ADGRL3: variants seen among roughly 807,000 people sequenced by gnomAD.
The protein encoded by ADGRL3 is calcium-independent alpha-latrotoxin receptor 3.
ADGRL3 carries 62 observed loss-of-function variants against 153.5 expected under a neutral mutation model. The ratio of observed to expected loss-of-function variants is 0.40; its 90% CI spans 0.33 to 0.50. ADGRL3 has a LOEUF of 0.50. ADGRL3 is among the 20% of genes least tolerant of loss of function. The pLI is 0.47. For synonymous variants in ADGRL3, 710 were observed against 672.5 expected, an observed-to-expected ratio of 1.06 and a Z score of -0.86; for missense variants, 1,641 against 1,859.4, an observed-to-expected ratio of 0.88 and a Z score of 2.16.
intron 1 of ADGRL3, among the ~76,000 whole-genome samples, chr4:61,326,291 A>G (rs2095462035): frequency 1.3e-5 from 2 of 152,100 alleles, no homozygotes; most frequent in South Asian, 4.1e-4. Context: ...CTAGACATAT[A>G]TTCACATCCT....
rs1561042058 is a variant in ADGRL3, at chr4:61,674,141, C to A, written c.474-2685C>A. 2.4e-5 allele frequency among the ~76,000 whole-genome samples: 3 copies of A among 126,956 alleles called. No individual in the cohort carries two copies. In the East Asian group the frequency reaches 6.8e-4, roughly 29 times the overall value. The allele number at this position is 126,956 out of a possible 152,430, so 83.3% of individuals were successfully genotyped here. On this transcript the variant is annotated intron_variant, in intron 5 of 26. Coordinates refer to ENST00000683033, the MANE Select transcript of ADGRL3 (RefSeq NM_001387552.1). ...TATATAATATGTAAATTTGTCGATGCATTTTTAGATAGATAGATAGATAGA... is the reference window on the plus strand; with the variant it reads ...TATATAATATGTAAATTTGTCGATGAATTTTTAGATAGATAGATAGATAGA...
chr4:61,709,452 TAATAAG>T (rs1206410210), intron 6 of ADGRL3, among the ~76,000 whole-genome samples: 2 of 152,182 alleles, frequency 1.3e-5, no homozygotes, highest in Admixed American at 6.5e-5. Context: ...TTGCATATAA[TAATAAG>T]AATATCTGTT....
At chr4:61,220,875 A>G (rs945183543) in intron 1 of ADGRL3, among the ~76,000 whole-genome samples, 1 of 152,224 alleles carries the variant, frequency 6.6e-6, no homozygotes, top group Non-Finnish European at 1.5e-5. Context: ...AAATGCCTTT[A>G]TTACTTATTT....
chr4:62,021,915 G>A (rs938140012), intron 21 of ADGRL3, among the ~76,000 whole-genome samples: 1 of 152,046 alleles, frequency 6.6e-6, no homozygotes, highest in African/African-American at 2.4e-5. Flanking sequence ...CAGCAATATT[G>A]AAATTAGGCC....
At chr4:61,681,355 C>T (rs909361704) in intron 6 of ADGRL3, among the ~76,000 whole-genome samples, 1 of 152,122 alleles carries the variant, frequency 6.6e-6, no homozygotes, top group Non-Finnish European at 1.5e-5. Context: ...TTTGTCTTCT[C>T]TCACAGTCCA....
At chr4:61,469,705 A>G (rs1176454732) in intron 2 of ADGRL3, among the ~76,000 whole-genome samples, 2 of 152,020 alleles carry the variant, frequency 1.3e-5, no homozygotes, top group African/African-American at 4.8e-5. Context: ...AATGTTCCCT[A>G]TTTTCAAGGT....
At position 61,484,483 on chromosome 4, in the gene ADGRL3, T is replaced by G. The variant is rs999342023; in HGVS notation, c.-173-12638T>G. Among the ~76,000 whole-genome samples, 3 of 152,294 alleles carry G rather than the reference T, an allele frequency of 2.0e-5. No individual in the cohort carries two copies. The East Asian group carries it at 5.8e-4, about 29-fold the overall frequency. On this transcript the variant is annotated intron_variant, in intron 2 of 26. Transcript: ENST00000683033. ...AATGTTAGCTTAAGACTATTAGATA[T>G]CATATTTTTAATAATCTGCCAGCTT...
chr4:61,608,332 C>T (rs1176078100), intron 5 of ADGRL3, among the ~76,000 whole-genome samples: 1 of 152,198 alleles, frequency 6.6e-6, no homozygotes, highest in Non-Finnish European at 1.5e-5. Flanking sequence ...ACAGCATAAA[C>T]ACTGTTCATA....
intron 5 of ADGRL3, among the ~76,000 whole-genome samples, chr4:61,676,187 G>T (rs778889704): frequency 6.6e-6 from 1 of 151,796 alleles, no homozygotes; most frequent in Non-Finnish European, 1.5e-5. Context: ...TTTGTGATAA[G>T]TAATCCACGA....
At chr4:61,570,126 T>A (rs2098832515) in intron 4 of ADGRL3, among the ~76,000 whole-genome samples, 1 of 152,178 alleles carries the variant, frequency 6.6e-6, no homozygotes. Flanking sequence ...ATCATTTACA[T>A]AACTGATTTA....
chr4:61,701,390 A>C (rs939310314), intron 6 of ADGRL3, among the ~76,000 whole-genome samples: 1 of 151,896 alleles, frequency 6.6e-6, no homozygotes, highest in Non-Finnish European at 1.5e-5. Context: ...TAAGTTTATA[A>C]GACAACATAA....
At chr4:61,756,775 C>T (rs984978192) in intron 8 of ADGRL3, among the ~76,000 whole-genome samples, 13 of 151,934 alleles carry the variant, frequency 8.6e-5, no homozygotes, top group South Asian at 2.1e-4. Context: ...ATAGCTCTTA[C>T]TATTTTGAGA....
intron 8 of ADGRL3, among the ~76,000 whole-genome samples, chr4:61,778,229 A>T (rs780943030): frequency 6.6e-6 from 1 of 152,244 alleles, no homozygotes; most frequent in Non-Finnish European, 1.5e-5. Context: ...TCCCCAAGAT[A>T]TCTCAAATAT....
At chr4:61,720,547 T>C (rs1284075096) in intron 6 of ADGRL3, among the ~76,000 whole-genome samples, 1 of 152,196 alleles carries the variant, frequency 6.6e-6, no homozygotes, top group Non-Finnish European at 1.5e-5. Context: ...ACTGATGGCA[T>C]GTAGAGAGTA....
At chr4:61,894,676 T>C (rs1487248909) in intron 10 of ADGRL3, among the ~76,000 whole-genome samples, 1 of 152,228 alleles carries the variant, frequency 6.6e-6, no homozygotes, top group Non-Finnish European at 1.5e-5. Context: ...CAGGGATTAC[T>C]GTCAATACAC....
intron 1 of ADGRL3, among the ~76,000 whole-genome samples, chr4:61,207,242 C>A (rs1350295302): frequency 6.6e-6 from 1 of 152,018 alleles, no homozygotes. Flanking sequence ...TGTTCCCCTC[C>A]CTGTGTCCAT....
intron 1 of ADGRL3, among the ~76,000 whole-genome samples, chr4:61,241,927 CTT>C (rs1275413806): frequency 6.6e-6 from 1 of 152,010 alleles, no homozygotes; most frequent in Non-Finnish European, 1.5e-5. Flanking sequence ...TTGCTTAACT[CTT>C]TTCTTTGCAT....
At chr4:61,899,642 A>G (rs938284346) in intron 11 of ADGRL3, among the ~76,000 whole-genome samples, 2 of 152,186 alleles carry the variant, frequency 1.3e-5, no homozygotes, top group South Asian at 2.1e-4. Flanking sequence ...TTGGACTGCT[A>G]TGGTTTATGG....
chr4:61,285,305 G>T (rs1362785452), intron 1 of ADGRL3, among the ~76,000 whole-genome samples: 1 of 151,784 alleles, frequency 6.6e-6, no homozygotes, highest in African/African-American at 2.4e-5. Context: ...TGGGAGGGCA[G>T]ATATATATGG....
Sources: gnomAD v4.1 joint callset for allele counts (sites outside exome capture counted in the v4.1 genomes callset) on GRCh38, gnomAD v4.1.1 for gene constraint, MANE v1.5 for transcripts, NCBI Gene and HGNC (gene_info 2026-07-23, HGNC 2026-07-21) for gene names.